Variants in ARHGAP32 observed in about 807,000 individuals in gnomAD.
ARHGAP32 encodes the protein Rho GTPase activating protein 32, also known as rho GTPase-activating protein 32.
ARHGAP32 carries 51 observed loss-of-function variants against 186.5 expected under a neutral mutation model. The observed-to-expected ratio is 0.27, with a 90% confidence interval of 0.22 to 0.35. ARHGAP32 has a LOEUF of 0.35. ARHGAP32 is among the 10% of genes least tolerant of loss of function. The pLI is 1.00. For missense variants in ARHGAP32, 2,186 were observed against 2,623.5 expected (o/e 0.83, Z 3.64); for synonymous variants, 950 against 964.3 (o/e 0.99, Z 0.27).
chr11:129,031,038 T>C (rs373207513), intron 11 of ARHGAP32, among the ~76,000 whole-genome samples: 1 of 152,062 alleles, frequency 6.6e-6, no homozygotes, highest in Non-Finnish European at 1.5e-5. Context: ...GTGCCATGCT[T>C]CCTGGACAGC....
At chr11:129,197,950 T>A (rs1210548037) in intron 1 of ARHGAP32, among the ~76,000 whole-genome samples, 1 of 152,178 alleles carries the variant, frequency 6.6e-6, no homozygotes, top group Admixed American at 6.5e-5. Context: ...GAAACAATTC[T>A]TATGCATACT....
intron 6 of ARHGAP32, among the ~76,000 whole-genome samples, chr11:129,074,900 C>T (rs1940988691): frequency 6.6e-6 from 1 of 152,162 alleles, no homozygotes; most frequent in Non-Finnish European, 1.5e-5. Flanking sequence ...TAAGTGTTCT[C>T]ACCACACATG....
At chr11:129,268,531 A>C (rs1945434470) in intron 1 of ARHGAP32, among the ~76,000 whole-genome samples, 1 of 152,092 alleles carries the variant, frequency 6.6e-6, no homozygotes, top group Non-Finnish European at 1.5e-5. Context: ...ATATAGCGGC[A>C]ATATGAAGAT....
intron 1 of ARHGAP32, among the ~76,000 whole-genome samples, chr11:129,229,892 T>G (rs563371048): frequency 1.3e-5 from 2 of 152,040 alleles, no homozygotes; most frequent in Non-Finnish European, 2.9e-5. Flanking sequence ...ATCCCCTCAC[T>G]GCAGCCTCAA....
At chr11:128,991,141 C>T (rs502905) in intron 12 of ARHGAP32, among the ~76,000 whole-genome samples, 50,789 of 151,840 alleles carry the variant, frequency 0.33, 8,694 homozygotes, top group Non-Finnish European at 0.37. Flanking sequence ...TTTATTCTTC[C>T]AAATAAGTAG....
At chr11:129,118,503 T>C (rs566349079) in intron 5 of ARHGAP32, among the ~76,000 whole-genome samples, 7 of 152,094 alleles carry the variant, frequency 4.6e-5, no homozygotes, top group South Asian at 4.1e-4. Flanking sequence ...TTATAACCCA[T>C]GAATTTAAAA....
rs962203498 is a variant in ARHGAP32 at position 129,164,433 on chromosome 11, G to T, written c.117-6C>A. On this transcript the variant is annotated splice_polypyrimidine_tract_variant and splice_region_variant and intron_variant, in intron 1 of 22. Transcript: ENST00000682385. Reference sequence around the variant, plus strand: ...GTACTGAGGACTTCATCTTCCTAGAGATCAAAACACGAAAGATTCTGATAA... The same window carrying T: ...GTACTGAGGACTTCATCTTCCTAGATATCAAAACACGAAAGATTCTGATAA... 8.3e-6 allele frequency: 12 copies of T among 1,453,156 alleles called. No homozygotes were observed. The highest frequency in any genetic ancestry group is 1.3e-5 in the South Asian group (1 of 78,354). 90.0% of individuals were successfully genotyped at this position (1,453,156 alleles called of 1,614,324 possible).
rs1444928092 is a variant in ARHGAP32, at chr11:129,064,949, T to A, written c.670-16A>T. ...GAGTGACCGACTGAAAAGAAAAAGA[T>A]CAGTGTAACTCTGAGTAAAGATACT... On this transcript the variant is annotated splice_polypyrimidine_tract_variant and intron_variant, in intron 7 of 22. Transcript: ENST00000682385. 2 of 1,561,156 alleles carry A rather than the reference T, an allele frequency of 1.3e-6. No individual in the cohort carries two copies. The highest frequency in any genetic ancestry group is 1.7e-6 in the Non-Finnish European group (2 of 1,149,634).
At chr11:129,195,353 T>C (rs1430860238), upstream of ARHGAP32, among the ~76,000 whole-genome samples, 1 of 152,206 alleles carries the variant, frequency 6.6e-6, no homozygotes, top group African/African-American at 2.4e-5. Context: ...GATGGTTGAT[T>C]TCCCTCACTT....
At chr11:129,239,180 T>C (rs1038405564) in intron 1 of ARHGAP32, among the ~76,000 whole-genome samples, 3 of 152,198 alleles carry the variant, frequency 2.0e-5, no homozygotes, top group African/African-American at 4.8e-5. Context: ...CCCTCGCATA[T>C]TGTACAGCTT....
At chr11:128,976,391 T>C (rs1446402129) in intron 20 of ARHGAP32, among the ~76,000 whole-genome samples, 172 bp downstream of exon 20, 1 of 152,194 alleles carries the variant, frequency 6.6e-6, no homozygotes, top group Non-Finnish European at 1.5e-5. Flanking sequence ...ACTGCTTCCA[T>C]GTGAAAGCAT....
At chr11:129,172,373 C>T (rs565752558) in intron 1 of ARHGAP32, among the ~76,000 whole-genome samples, 1 of 152,192 alleles carries the variant, frequency 6.6e-6, no homozygotes, top group South Asian at 2.1e-4. Context: ...GAGTTTTTAA[C>T]GTGAAGGGAT....
Position 128,972,783 on chromosome 11 carries a change from A to G in ARHGAP32, c.3723T>C (p.Pro1241=). 6.2e-7 allele frequency: 1 copy of G among 1,614,024 alleles called. No homozygotes were observed. The highest frequency in any genetic ancestry group is 1.7e-4 in the Middle Eastern group (1 of 6,060). Residue 1241 remains proline, a synonymous_variant, in exon 22 of 23, where the codon CCT becomes CCC. Transcript: ENST00000682385. The part of the protein sequence containing the change: ...LGASVDKLHH[P]LEFADKSPTP... ...TGGGAGATTTGTCTGCAAATTCTAA[A>G]GGGTGATGGAGTTTATCCACACTTG...
chr11:128,994,970 T>G (rs1946158364), intron 12 of ARHGAP32, among the ~76,000 whole-genome samples: 1 of 152,174 alleles, frequency 6.6e-6, no homozygotes, highest in African/African-American at 2.4e-5. Flanking sequence ...TTCTAGTCAT[T>G]TGAGTTTAAC....
At chr11:128,997,582 G>A (rs916478145) in intron 12 of ARHGAP32, among the ~76,000 whole-genome samples, 1 of 152,032 alleles carries the variant, frequency 6.6e-6, no homozygotes, top group African/African-American at 2.4e-5. Context: ...AGATGCTAGA[G>A]GAAAGTGCTA....
intron 2 of ARHGAP32, among the ~76,000 whole-genome samples, chr11:129,128,518 C>T (rs1942714426): frequency 6.6e-6 from 1 of 152,168 alleles, no homozygotes; most frequent in South Asian, 2.1e-4. Context: ...CTATGAAAGT[C>T]TACAGTTAAC....
chr11:129,049,776 C>G (rs533018311), intron 10 of ARHGAP32, among the ~76,000 whole-genome samples: 1 of 152,274 alleles, frequency 6.6e-6, no homozygotes, highest in Non-Finnish European at 1.5e-5. Flanking sequence ...TATTAATCTG[C>G]TGTTGACAGA....
chr11:129,199,535 C>G (rs376953823), intron 1 of ARHGAP32, among the ~76,000 whole-genome samples: 350 of 152,386 alleles, frequency 2.3e-3, no homozygotes, highest in African/African-American at 8.2e-3. Flanking sequence ...CAATCCTTGC[C>G]AGCTTCCACA....
At chr11:128,997,697 T>A (rs1946238484) in intron 12 of ARHGAP32, among the ~76,000 whole-genome samples, 1 of 152,176 alleles carries the variant, frequency 6.6e-6, no homozygotes, top group Non-Finnish European at 1.5e-5. Flanking sequence ...AAGAAAGGAA[T>A]ATAGATTCCT....
Sources: allele counts gnomAD v4.1 joint callset (sites outside exome capture counted in the v4.1 genomes callset), GRCh38; gene constraint gnomAD v4.1.1; transcripts MANE v1.5; gene names NCBI Gene and HGNC (gene_info 2026-07-23, HGNC 2026-07-21).